CSNK2A1: variants seen among roughly 807,000 people sequenced by gnomAD.
CSNK2A1 encodes the protein casein kinase 2 alpha 1, also known as casein kinase II subunit alpha.
In CSNK2A1, 10 loss-of-function variants were observed where a neutral mutation model predicts 62.9. The ratio of observed to expected loss-of-function variants is 0.16; its 90% CI spans 0.10 to 0.27. CSNK2A1 has a LOEUF of 0.27. CSNK2A1 is among the 10% of genes least tolerant of loss of function. The pLI is 1.00. For synonymous variants in CSNK2A1, 124 were observed against 167.8 expected (o/e 0.74, Z 2.02); for missense variants, 160 against 492.0 (o/e 0.33, Z 6.38).
intron 1 of CSNK2A1, among the ~76,000 whole-genome samples, chr20:534,683 A>G (rs2019276176): frequency 6.6e-6 from 1 of 152,158 alleles, no homozygotes; most frequent in Non-Finnish European, 1.5e-5. Context: ...TAACAAGAGC[A>G]TATAGGTAGC....
chr20:474,179 C>T lies in CSNK2A1; in HGVS notation c.*9782G>A, dbSNP rs1386332182. 1.3e-5 allele frequency: 2 copies of T among 152,378 alleles called. No homozygotes were observed. The highest frequency in any genetic ancestry group is 2.9e-5 in the Non-Finnish European group (2 of 68,200). 9.4% of individuals were successfully genotyped at this position (152,378 alleles called of 1,614,324 possible). ...CAACGTATCCTCCCACCCAGCCTCC[C>T]CAGTAGCTAGCACTATAGTCACACA... On this transcript the variant is annotated 3_prime_UTR_variant, in exon 14 of 14. Coordinates refer to ENST00000217244, the MANE Select transcript of CSNK2A1 (RefSeq NM_177559.3).
At chr20:516,804 A>G (rs1264247522) in intron 2 of CSNK2A1, among the ~76,000 whole-genome samples, 4 of 152,186 alleles carry the variant, frequency 2.6e-5, no homozygotes, top group Non-Finnish European at 5.9e-5. Flanking sequence ...TTTGAACTGT[A>G]ATATAATTAG....
In CSNK2A1 at chr20:473,446, C is replaced by G. The variant is rs2017791094; in HGVS notation, c.*10515G>C. On this transcript the variant is annotated 3_prime_UTR_variant, in exon 14 of 14. Transcript: ENST00000217244. ...GCCCAGGGAAAGTTTTGTTTTGTTC[C>G]TGTTTCATTCCCCCAGATGCAAGGG... is the stretch of plus-strand genomic sequence containing the variant. The G allele has an allele frequency of 6.6e-6, 1 of 152,372 alleles. No homozygotes were observed. Among genetic ancestry groups the G allele is most frequent in the Admixed American group, 6.5e-5 (1 of 15,278 alleles). 9.4% of individuals were successfully genotyped at this position (152,372 alleles called of 1,614,324 possible).
At position 499,376 on chromosome 20, in the gene CSNK2A1, T is replaced by C; in HGVS notation, c.316-71A>G. The stretch of plus-strand genomic sequence containing the variant: ...TGACAGCTTTAATGGGGACAATGTT[T>C]GCGGATGCTGCGTGGTGAAATTTGG... On this transcript the variant is annotated intron_variant, in intron 5 of 13. Coordinates refer to ENST00000217244, the MANE Select transcript of CSNK2A1 (RefSeq NM_177559.3). This position sits in a 1 kb window ranked among gnomAD's most constrained non-coding sequence, Gnocchi z 4.2. The C allele has an allele frequency of 1.4e-6, 2 of 1,461,066 alleles. No individual in the cohort carries two copies. Among genetic ancestry groups the C allele is most frequent in the Non-Finnish European group, 1.9e-6 (2 of 1,066,738 alleles). The allele number at this position is 1,461,066 out of a possible 1,614,324, so 90.5% of individuals were successfully genotyped here. A position where few individuals can be genotyped will look rare whatever the true frequency, so the allele number is the denominator to read the frequency against.
At chr20:490,335 C>CTTTTCTTTTTT (rs1430310808) in intron 9 of CSNK2A1, among the ~76,000 whole-genome samples, 3 of 84,804 alleles carry the variant, frequency 3.5e-5, no homozygotes, top group African/African-American at 1.7e-4. Context: ...CTAGTTTTTT[C>CTTTTCTTTTTT]TTTTTTTTTT....
At position 534,906 on chromosome 20, in the gene CSNK2A1, C is replaced by T. The variant is rs1477343609; in HGVS notation, c.-226-6857G>A. Among the ~76,000 whole-genome samples the T allele has an allele frequency of 3.3e-5, 5 of 150,148 alleles. No homozygotes were observed. In the East Asian group the frequency reaches 5.9e-4, roughly 18 times the overall value. On this transcript the variant is annotated intron_variant, in intron 1 of 13. Coordinates refer to ENST00000217244, the MANE Select transcript of CSNK2A1 (RefSeq NM_177559.3). ...AAAAAAAGCCAGGCGTGGCAGCGTG[C>T]GCCTGTAGTCCCAGCTACTTGGGAG...
intron 1 of CSNK2A1, among the ~76,000 whole-genome samples, chr20:529,085 G>C (rs2122636101): frequency 6.6e-6 from 1 of 152,308 alleles, no homozygotes; most frequent in Middle Eastern, 3.4e-3. Context: ...CAGTCACCCA[G>C]GCTGGAGTGC....
At chr20:543,565 G>A in intron 1 of CSNK2A1, 107 bp downstream of exon 1, 3 of 396,734 alleles carry the variant, frequency 7.6e-6, no homozygotes, top group Non-Finnish European at 1.3e-5. Flanking sequence ...GGAAGGCGAC[G>A]GGCCGCTCAG....
chr20:516,959 A>G (rs2018840790), intron 2 of CSNK2A1, among the ~76,000 whole-genome samples: 1 of 152,230 alleles, frequency 6.6e-6, no homozygotes, highest in Admixed American at 6.5e-5. Flanking sequence ...AGAATGAGGA[A>G]TGTGCTTAGA....
rs182092787 is a variant in CSNK2A1 at position 486,748 on chromosome 20, T to C, written c.974-286A>G. The C allele has an allele frequency of 1.0e-3, 369 of 360,466 alleles. 5 individuals are homozygous for C. Among genetic ancestry groups the C allele is most frequent in the Middle Eastern group, 9.1e-3 (11 of 1,204 alleles). 22.3% of individuals were successfully genotyped at this position (360,466 alleles called of 1,614,324 possible). On this transcript the variant is annotated intron_variant, in intron 12 of 13. Transcript: ENST00000217244. ...GAATTTAATGAAGCCCTGGTCCTGT[T>C]GAGGTTTAATGGAGACAAGACACTG...
At chr20:522,480 A>T (rs1229772339) in intron 2 of CSNK2A1, among the ~76,000 whole-genome samples, 1 of 152,220 alleles carries the variant, frequency 6.6e-6, no homozygotes, top group Non-Finnish European at 1.5e-5. Context: ...TATAACATAC[A>T]TCACCAGTCT....
intron 10 of CSNK2A1, 138 bp from the exon 11 acceptor site, chr20:488,916 A>C (rs2018158018): frequency 1.4e-6 from 1 of 718,750 alleles, no homozygotes; most frequent in South Asian, 2.1e-5. Flanking sequence ...TTTAGACTTC[A>C]ACTCAATGTG....
At chr20:538,728 A>T (rs372812043) in intron 1 of CSNK2A1, among the ~76,000 whole-genome samples, 1 of 152,208 alleles carries the variant, frequency 6.6e-6, no homozygotes, top group Non-Finnish European at 1.5e-5. Context: ...GAACAGAGAG[A>T]CAGTTACAAA....
intron 2 of CSNK2A1, among the ~76,000 whole-genome samples, chr20:513,238 G>A (rs1025492864): frequency 2.0e-5 from 3 of 152,132 alleles, no homozygotes; most frequent in Non-Finnish European, 2.9e-5. Flanking sequence ...GACAGCCTTC[G>A]TCTGTGGATC....
chr20:541,209 G>A (rs1031627819), intron 1 of CSNK2A1: 4 of 152,144 alleles, frequency 2.6e-5, no homozygotes, highest in Non-Finnish European at 4.4e-5. Flanking sequence ...GGACTTAAGT[G>A]ACTAGATTCG....
At chr20:510,498 A>T (rs1294172111) in intron 2 of CSNK2A1, among the ~76,000 whole-genome samples, 2 of 152,098 alleles carry the variant, frequency 1.3e-5, no homozygotes, top group East Asian at 3.9e-4. Context: ...ATTGTTAAGA[A>T]ATTTTCCTGA....
chr20:524,605 C>T (rs1262384209), intron 2 of CSNK2A1, among the ~76,000 whole-genome samples: 4 of 140,796 alleles, frequency 2.8e-5, no homozygotes, highest in African/African-American at 5.7e-5. Context: ...TGGCGGGTGC[C>T]TATAATCCCA....
intron 2 of CSNK2A1, among the ~76,000 whole-genome samples, chr20:520,830 A>G (rs1378129886): frequency 2.0e-5 from 3 of 152,220 alleles, no homozygotes; most frequent in South Asian, 2.1e-4. Context: ...ATCAATATGC[A>G]AAATCATAAA....
chr20:487,729 T>TTC, intron 11 of CSNK2A1, 154 bp from the exon 12 acceptor site: 1 of 973,066 alleles, frequency 1.0e-6, no homozygotes, highest in Non-Finnish European at 1.5e-6. Flanking sequence ...TGCCACTGAG[T>TTC]GGGACAACAA....
Sources: allele counts gnomAD v4.1 joint callset (sites outside exome capture counted in the v4.1 genomes callset), GRCh38; gene constraint gnomAD v4.1.1; non-coding constraint Gnocchi (gnomAD v3.1); transcripts MANE v1.5; gene names NCBI Gene and HGNC (gene_info 2026-07-23, HGNC 2026-07-21).